HS6ST1: variants seen among roughly 807,000 people sequenced by gnomAD.
HS6ST1 encodes the protein heparan sulfate 6-O-sulfotransferase 1, also known as heparan-sulfate 6-O-sulfotransferase 1.
Under a neutral mutation model 25.2 loss-of-function variants are expected in HS6ST1, and 3 were observed. The observed-to-expected ratio is 0.12, with a 90% CI of 0.05 to 0.31. The LOEUF is 0.31. Among genes scored for constraint, HS6ST1 ranks in the 10% least tolerant of loss-of-function variants. The pLI, the probability that HS6ST1 is intolerant of heterozygous loss-of-function variation, is 1.00. For synonymous variants in HS6ST1, 204 were observed against 275.1 expected (o/e 0.74, Z 2.56); for missense variants, 310 against 609.6 (o/e 0.51, Z 5.18).
rs891184724 is a variant in HS6ST1, at chr2:128,293,141, G to C, written c.528-24271C>G. ...GGCTGGGCCTTGCTCTGCATGCAGT[G>C]GGGCCCAAACCAGCCAGGCACTCCA... On this transcript the variant is annotated intron_variant, in intron 1 of 1. Transcript: ENST00000259241. 6.8e-4 allele frequency among the ~76,000 whole-genome samples: 104 copies of C among 152,178 alleles called. 1 individual carries two copies. Among genetic ancestry groups the C allele is most frequent in the Admixed American group, 6.7e-3 (102 of 15,290 alleles).
In HS6ST1 at chr2:128,285,443, G is replaced by A. The variant is rs931090743; in HGVS notation, c.528-16573C>T. Among the ~76,000 whole-genome samples the A allele has an allele frequency of 7.2e-5, 11 of 152,202 alleles. No individual in the cohort carries two copies. In the South Asian group the frequency reaches 8.3e-4, roughly 11 times the overall value. Reference sequence around the variant, plus strand: ...GGCCCTGCCTTGCCCTGCACTGGGCGCCTGTGTACCCAGTCTCCCAAGGCC... The same window carrying A: ...GGCCCTGCCTTGCCCTGCACTGGGCACCTGTGTACCCAGTCTCCCAAGGCC... On this transcript the variant is annotated intron_variant, in intron 1 of 1. Coordinates refer to ENST00000259241, the MANE Select transcript of HS6ST1 (RefSeq NM_004807.3).
At chr2:128,306,614 C>T (rs1694215789) in intron 1 of HS6ST1, among the ~76,000 whole-genome samples, 1 of 152,172 alleles carries the variant, frequency 6.6e-6, no homozygotes. Context: ...TTCTAATTCT[C>T]AGGTGGATGG....
chr2:128,292,809 G>A (rs1212948982), intron 1 of HS6ST1, among the ~76,000 whole-genome samples: 2 of 152,112 alleles, frequency 1.3e-5, no homozygotes, highest in Non-Finnish European at 2.9e-5. Flanking sequence ...AGCAGGAAGG[G>A]CAGGCAGGGG....
chr2:128,284,232 C>T (rs1477888312), intron 1 of HS6ST1, among the ~76,000 whole-genome samples: 2 of 152,150 alleles, frequency 1.3e-5, no homozygotes, highest in Non-Finnish European at 1.5e-5. Flanking sequence ...TTAGGCATCT[C>T]GGCTCCACCC....
At chr2:128,279,710 A>G (rs1025734152) in intron 1 of HS6ST1, among the ~76,000 whole-genome samples, 1 of 152,114 alleles carries the variant, frequency 6.6e-6, no homozygotes, top group Non-Finnish European at 1.5e-5. Context: ...GGATCACTTG[A>G]GCTCAGGATC....
chr2:128,280,482 C>T (rs904731835), intron 1 of HS6ST1, among the ~76,000 whole-genome samples: 5 of 152,244 alleles, frequency 3.3e-5, no homozygotes, highest in South Asian at 2.1e-4. Flanking sequence ...GCTTCCCCAC[C>T]GCTCTGGTGT....
chr2:128,282,763 A>G (rs1693806802), intron 1 of HS6ST1, among the ~76,000 whole-genome samples: 1 of 152,178 alleles, frequency 6.6e-6, no homozygotes, highest in Admixed American at 6.5e-5. Context: ...GCCTGCCAGG[A>G]TCTCCTACCT....
chr2:128,287,459 C>T (rs951713128), intron 1 of HS6ST1, among the ~76,000 whole-genome samples: 1 of 152,206 alleles, frequency 6.6e-6, no homozygotes, highest in African/African-American at 2.4e-5. Context: ...GAGAACTGGG[C>T]AGAGAGCCGG....
chr2:128,298,953 G>T (rs547069006), intron 1 of HS6ST1, among the ~76,000 whole-genome samples: 1 of 152,328 alleles, frequency 6.6e-6, no homozygotes, highest in South Asian at 2.1e-4. Flanking sequence ...AGTGGGGCTG[G>T]CCCAGGCCTA....
At chr2:128,292,082 G>A (rs1054879246) in intron 1 of HS6ST1, among the ~76,000 whole-genome samples, 3 of 152,208 alleles carry the variant, frequency 2.0e-5, no homozygotes, top group South Asian at 2.1e-4. Context: ...CAGGGGAGGC[G>A]GCACAGGGCA....
Position 128,268,015 on chromosome 2 carries a change from T to A in HS6ST1, c.*147A>T. 1 of 670,420 alleles carries A rather than the reference T, an allele frequency of 1.5e-6. No individual in the cohort carries two copies. The highest frequency in any genetic ancestry group is 1.8e-5 in the South Asian group (1 of 56,820). The allele number at this position is 670,420 out of a possible 1,614,324, so 41.5% of individuals were successfully genotyped here. The stretch of plus-strand genomic sequence containing the variant: ...CCCATCCCTGCCCAGCCCCACTACA[T>A]CCCTGCTCTGTTTTTTTTCAGGACG... On this transcript the variant is annotated 3_prime_UTR_variant, in exon 2 of 2. Transcript: ENST00000259241.
chr2:128,315,949 G>A (rs948066657), intron 1 of HS6ST1, among the ~76,000 whole-genome samples: 3 of 152,248 alleles, frequency 2.0e-5, no homozygotes, highest in African/African-American at 7.2e-5. Context: ...AGAGTGGGTG[G>A]CAGAGGGGGC....
chr2:128,274,381 G>A (rs753090036), intron 1 of HS6ST1, among the ~76,000 whole-genome samples: 17 of 152,212 alleles, frequency 1.1e-4, no homozygotes, highest in East Asian at 3.9e-4. Context: ...ATTGGAGCAC[G>A]GTCTTCAAAA....
chr2:128,279,508 AG>A (rs1238257852), intron 1 of HS6ST1, among the ~76,000 whole-genome samples: 2 of 152,086 alleles, frequency 1.3e-5, no homozygotes, highest in East Asian at 3.9e-4. Context: ...TGGCGTGGTG[AG>A]GAAAGCTCTG....
chr2:128,318,041 G>A lies in HS6ST1; in HGVS notation c.523C>T (p.Pro175Ser). 1 of 1,514,588 alleles carries A rather than the reference G, an allele frequency of 6.6e-7. No individual in the cohort carries two copies. 93.8% of individuals were successfully genotyped at this position (1,514,588 alleles called of 1,614,324 possible). A position where few individuals can be genotyped will look rare whatever the true frequency, so the allele number is the denominator to read the frequency against. ...DRRDSAALRTPRKFYYITLLR... is the reference protein window; with the variant it reads ...DRRDSAALRTSRKFYYITLLR... ...TCCCGCCGCCCGGGCGCTCACCTGG[G>A]CGTGCGCAGCGCGGCGGAGTCGCGG... The change falls in exon 1 of 2, where the codon CCC becomes TCC. Residue 175 changes from proline to serine, a missense_variant. Pro to Ser is a moderately conservative substitution (Grantham distance 74). Around this residue, in one of 5 missense-constraint regions of HS6ST1, gnomAD observed 98 missense variants for 270.3 expected, o/e 0.36. Transcript: ENST00000259241. This position sits in a 1 kb window ranked among gnomAD's most constrained non-coding sequence, Gnocchi z 5.7.
intron 1 of HS6ST1, among the ~76,000 whole-genome samples, chr2:128,300,162 C>T (rs562836571): frequency 6.6e-6 from 1 of 152,330 alleles, no homozygotes; most frequent in South Asian, 2.1e-4. Flanking sequence ...CAAGCTCCTG[C>T]AACCAGAACT....
intron 1 of HS6ST1, among the ~76,000 whole-genome samples, chr2:128,306,420 C>G (rs910164747): frequency 6.6e-6 from 1 of 152,208 alleles, no homozygotes; most frequent in Admixed American, 6.5e-5. Flanking sequence ...CCACCCTGGC[C>G]ACGATGACGC....
chr2:128,312,679 C>T (rs1178560857), intron 1 of HS6ST1, among the ~76,000 whole-genome samples: 3 of 152,142 alleles, frequency 2.0e-5, no homozygotes, highest in African/African-American at 7.2e-5. Context: ...GATGGGCCAC[C>T]CCAAGGGTGT....
chr2:128,317,748 C>T (rs887659847), intron 1 of HS6ST1, among the ~76,000 whole-genome samples: 5 of 152,190 alleles, frequency 3.3e-5, no homozygotes, highest in South Asian at 4.1e-4. Flanking sequence ...GGGCAGCGGG[C>T]GGGGACCCTG....
Sources: allele counts gnomAD v4.1 joint callset (sites outside exome capture counted in the v4.1 genomes callset), GRCh38; gene constraint gnomAD v4.1.1; regional missense constraint gnomAD v4.1.1; non-coding constraint Gnocchi (gnomAD v3.1); transcripts MANE v1.5; gene names NCBI Gene and HGNC (gene_info 2026-07-23, HGNC 2026-07-21).